The following PIK3C2G variants were observed in gnomAD, a reference collection of about 807,000 sequenced individuals.
The protein encoded by PIK3C2G is phosphatidylinositol 3-kinase C2 domain-containing subunit gamma.
PIK3C2G carries 168 observed loss-of-function variants against 181.1 expected under a neutral mutation model. The observed-to-expected ratio is 0.93, with a 90% CI of 0.82 to 1.05. The LOEUF (loss-of-function observed/expected upper bound fraction) is 1.05. PIK3C2G is among the 50% of genes least tolerant of loss of function. The pLI is 0.00. For synonymous variants in PIK3C2G, 573 were observed against 592.2 expected (o/e 0.97, Z 0.47); for missense variants, 1,869 against 1,732.8 (o/e 1.08, Z -1.40).
At chr12:18,306,099 T>C (rs1034042065) in intron 5 of PIK3C2G, among the ~76,000 whole-genome samples, 3 of 152,070 alleles carry the variant, frequency 2.0e-5, no homozygotes, top group Non-Finnish European at 2.9e-5. Context: ...GTTCCATTTT[T>C]TGAATTTTAA....
At chr12:18,272,232 A>AT (rs1318070583) in intron 1 of PIK3C2G, among the ~76,000 whole-genome samples, 1 of 151,878 alleles carries the variant, frequency 6.6e-6, no homozygotes, top group Non-Finnish European at 1.5e-5. Flanking sequence ...AAACCATATT[A>AT]TTTTTTCTGT....
At chr12:18,584,878 G>A (rs1946690548) in intron 29 of PIK3C2G, among the ~76,000 whole-genome samples, 1 of 152,004 alleles carries the variant, frequency 6.6e-6, no homozygotes, top group African/African-American at 2.4e-5. Context: ...AAGAGGCTGG[G>A]GGCCTGTATT....
intron 18 of PIK3C2G, among the ~76,000 whole-genome samples, chr12:18,442,405 G>A (rs1946792729): frequency 7.1e-6 from 1 of 140,182 alleles, no homozygotes; most frequent in Admixed American, 7.7e-5. Context: ...AATCAAATCT[G>A]AAAAGAACAT....
chr12:18,694,709 T>C, the PIK3C2G span, among the ~76,000 whole-genome samples: 1 of 152,134 alleles, frequency 6.6e-6, no homozygotes, highest in Non-Finnish European at 1.5e-5. Context: ...CACAGGCAGA[T>C]AATCATTCAT....
intron 10 of PIK3C2G, among the ~76,000 whole-genome samples, chr12:18,345,305 T>C (rs1939564410): frequency 1.3e-5 from 2 of 152,226 alleles, no homozygotes; most frequent in Admixed American, 6.5e-5. Context: ...TAATTGCTAC[T>C]GCTGACTTCT....
intron 26 of PIK3C2G, among the ~76,000 whole-genome samples, chr12:18,549,691 C>A (rs1275258966): frequency 1.3e-5 from 2 of 152,014 alleles, no homozygotes; most frequent in Non-Finnish European, 2.9e-5. Flanking sequence ...TATTCTCCAG[C>A]CTTTCTCAGG....
chr12:18,303,138 C>CT (rs143346641), intron 5 of PIK3C2G, among the ~76,000 whole-genome samples: 1 of 131,136 alleles, frequency 7.6e-6, no homozygotes, highest in Non-Finnish European at 1.7e-5. Flanking sequence ...TTCTTTCTTT[C>CT]TTTTCTTTTC....
intron 20 of PIK3C2G, among the ~76,000 whole-genome samples, 193 bp from the exon 21 acceptor site, chr12:18,495,869 C>G (rs988863080): frequency 2.0e-5 from 3 of 152,004 alleles, no homozygotes; most frequent in African/African-American, 7.3e-5. Flanking sequence ...AGTAAAGGCT[C>G]CAGTTGATGG....
intron 29 of PIK3C2G, among the ~76,000 whole-genome samples, chr12:18,572,527 GT>G (rs1324813111): frequency 6.6e-6 from 1 of 150,990 alleles, no homozygotes; most frequent in Non-Finnish European, 1.5e-5. Flanking sequence ...ATCTGGTTTT[GT>G]TTTTTTGCAC....
At chr12:18,265,178 G>A (rs548668244) in intron 1 of PIK3C2G, among the ~76,000 whole-genome samples, 46 of 152,114 alleles carry the variant, frequency 3.0e-4, no homozygotes, top group Non-Finnish European at 6.2e-4. Flanking sequence ...TCTTTAATCT[G>A]TACTTCTGCC....
intron 3 of PIK3C2G, among the ~76,000 whole-genome samples, chr12:18,287,419 A>G (rs990618666): frequency 6.6e-6 from 1 of 152,246 alleles, no homozygotes; most frequent in Non-Finnish European, 1.5e-5. Context: ...GATATTCCAA[A>G]AAAATCACTG....
chr12:18,381,847 G>C lies in PIK3C2G; in HGVS notation c.1962G>C (p.Trp654Cys). 1 of 1,613,312 alleles carries C rather than the reference G, an allele frequency of 6.2e-7. No individual in the cohort carries two copies. Among genetic ancestry groups the C allele is most frequent in the Admixed American group, 1.7e-5 (1 of 60,014 alleles). Residue 654 changes from tryptophan to cysteine, a missense_variant, in exon 14 of 33, where the codon TGG becomes TGC. Physicochemically the swap from Trp to Cys is radical, Grantham distance 215. Coordinates refer to ENST00000538779, the MANE Select transcript of PIK3C2G (RefSeq NM_001288772.2). The part of the protein sequence containing the change: ...PPVEMITPGV[W>C]DVSQPSPVTL... ...TAGAAATGATAACTCCAGGAGTGTGGGATGTAAGTCAGCCATCCCCGGTGA... is the reference window on the plus strand; with the variant it reads ...TAGAAATGATAACTCCAGGAGTGTGCGATGTAAGTCAGCCATCCCCGGTGA...
chr12:18,447,008 G>A (rs1367334865), intron 18 of PIK3C2G, among the ~76,000 whole-genome samples: 1 of 152,114 alleles, frequency 6.6e-6, no homozygotes, highest in Admixed American at 6.5e-5. Context: ...TTCCTTATAG[G>A]TGGTGATCTT....
chr12:18,248,294 C>A (rs920892654), intron 1 of PIK3C2G, among the ~76,000 whole-genome samples: 6 of 152,074 alleles, frequency 3.9e-5, no homozygotes, highest in African/African-American at 1.4e-4. Context: ...TTCTTCCGGG[C>A]GGGCGCGGTG....
chr12:18,378,267 G>A (rs1392841744), intron 13 of PIK3C2G, among the ~76,000 whole-genome samples: 2 of 151,984 alleles, frequency 1.3e-5, no homozygotes, highest in Admixed American at 1.3e-4. Context: ...CACAACTTAG[G>A]TGTGAATAAA....
At chr12:18,394,987 C>G (rs996757571) in intron 15 of PIK3C2G, among the ~76,000 whole-genome samples, 1 of 151,378 alleles carries the variant, frequency 6.6e-6, no homozygotes, top group African/African-American at 2.4e-5. Flanking sequence ...CCCTTTCTTT[C>G]TTTCTTTTCT....
Position 18,391,140 on chromosome 12 carries a change from G to A in PIK3C2G, c.2014G>A (p.Gly672Arg). The change falls in exon 15 of 33, where the codon GGG becomes AGG. Residue 672 changes from glycine (G) to arginine (R), a missense_variant. Coordinates refer to ENST00000538779, the MANE Select transcript of PIK3C2G (RefSeq NM_001288772.2). ...VTLQIDFPAT[G>R]WEYMKPDSEE... ...CTTTCAGATTGATTTTCCAGCTACT[G>A]GGTGGGAGTATATGAAACCTGATTC... 6.2e-7 allele frequency: 1 copy of A among 1,606,464 alleles called. No homozygotes were observed. Among genetic ancestry groups the A allele is most frequent in the Non-Finnish European group, 8.5e-7 (1 of 1,176,208 alleles).
intron 8 of PIK3C2G, among the ~76,000 whole-genome samples, chr12:18,335,003 T>C (rs1474349256): frequency 6.6e-6 from 1 of 152,106 alleles, no homozygotes; most frequent in African/African-American, 2.4e-5. Flanking sequence ...ATTCCTACTA[T>C]GAGTAGTATA....
the PIK3C2G span, among the ~76,000 whole-genome samples, chr12:18,699,208 G>A: frequency 2.6e-5 from 4 of 152,072 alleles, no homozygotes; most frequent in Admixed American, 1.3e-4. Context: ...CAGCCTGGGC[G>A]CCATTTCTTC....
Sources: allele counts gnomAD v4.1 joint callset (sites outside exome capture counted in the v4.1 genomes callset), GRCh38; gene constraint gnomAD v4.1.1; transcripts MANE v1.5; gene names NCBI Gene and HGNC (gene_info 2026-07-23, HGNC 2026-07-21).